COL14A1: variants seen among roughly 807,000 people sequenced by gnomAD.
COL14A1 encodes the protein collagen alpha-1(XIV) chain.
COL14A1 carries 136 observed loss-of-function variants against 230.3 expected under a neutral mutation model. The ratio of observed to expected loss-of-function variants is 0.59; its 90% confidence interval spans 0.51 to 0.68. The LOEUF is 0.68. COL14A1 is among the 30% of genes least tolerant of loss of function. The probability of loss-of-function intolerance (pLI) is 0.00; values close to 1 mark genes in which losing one functional copy is unlikely to be tolerated. For synonymous variants in COL14A1, 792 were observed against 784.1 expected, an observed-to-expected ratio of 1.01 and a Z score of -0.17; for missense variants, 1,976 against 2,215.8, an observed-to-expected ratio of 0.89 and a Z score of 2.17.
intron 25 of COL14A1, among the ~76,000 whole-genome samples, chr8:120,268,242 C>T (rs541131184): frequency 4.8e-4 from 73 of 151,886 alleles, no homozygotes; most frequent in African/African-American, 1.6e-3. Context: ...TTCACTCTAC[C>T]TGGAATGCCA....
intron 5 of COL14A1, among the ~76,000 whole-genome samples, chr8:120,175,728 T>G (rs1226384232): frequency 6.6e-6 from 1 of 152,194 alleles, no homozygotes; most frequent in Non-Finnish European, 1.5e-5. Context: ...ACTAAAATAT[T>G]TTCTGTTTTG....
At chr8:120,169,298 C>T (rs953072228) in intron 5 of COL14A1, among the ~76,000 whole-genome samples, 2 of 152,140 alleles carry the variant, frequency 1.3e-5, no homozygotes, top group African/African-American at 2.4e-5. Context: ...ATGGCAGGCT[C>T]TATCAATATC....
intron 1 of COL14A1, among the ~76,000 whole-genome samples, chr8:120,133,888 CTT>C (rs1353397669): frequency 6.6e-6 from 1 of 151,736 alleles, no homozygotes; most frequent in Non-Finnish European, 1.5e-5. Flanking sequence ...AACTTTAAGA[CTT>C]TGAAAAAATG....
At chr8:120,294,367 C>G (rs1820459926) in intron 34 of COL14A1, among the ~76,000 whole-genome samples, 1 of 150,978 alleles carries the variant, frequency 6.6e-6, no homozygotes, top group African/African-American at 2.4e-5. Flanking sequence ...TTTGTAGTTG[C>G]TCATTTCAAG....
intron 24 of COL14A1, among the ~76,000 whole-genome samples, chr8:120,266,443 T>C (rs1190020895): frequency 6.6e-6 from 1 of 152,044 alleles, no homozygotes; most frequent in Non-Finnish European, 1.5e-5. Context: ...TGAGCAAGGA[T>C]TGATGGTGAA....
intron 42 of COL14A1, among the ~76,000 whole-genome samples, chr8:120,339,657 T>A (rs1822214723): frequency 6.6e-6 from 1 of 151,932 alleles, no homozygotes; most frequent in African/African-American, 2.4e-5. Flanking sequence ...CATAAAAAAA[T>A]TTTAAACACA....
intron 18 of COL14A1, among the ~76,000 whole-genome samples, chr8:120,230,909 G>A (rs1469979897): frequency 6.6e-6 from 1 of 152,204 alleles, no homozygotes; most frequent in Non-Finnish European, 1.5e-5. Flanking sequence ...GGAAACACAG[G>A]TAAAGGAGTT....
At chr8:120,127,847 A>G (rs1814394636) in intron 1 of COL14A1, among the ~76,000 whole-genome samples, 1 of 152,122 alleles carries the variant, frequency 6.6e-6, no homozygotes, top group Admixed American at 6.5e-5. Flanking sequence ...AGATCCCTTT[A>G]AAGGACAAGA....
At position 120,371,473 on chromosome 8, in the gene COL14A1, T is replaced by A. The variant is rs1812156680; in HGVS notation, c.*242T>A. 1 of 395,548 alleles carries A rather than the reference T, an allele frequency of 2.5e-6. No homozygotes were observed. Among genetic ancestry groups the A allele is most frequent in the African/African-American group, 2.1e-5 (1 of 48,550 alleles). The allele number at this position is 395,548 out of a possible 1,614,324, so 24.5% of individuals were successfully genotyped here. Reference sequence around the variant, plus strand: ...TTCCCTTTGGTGTCTTAATGGCATGTCAGATAATTTGTTTTTCCAGAGAAG... The same window carrying A: ...TTCCCTTTGGTGTCTTAATGGCATGACAGATAATTTGTTTTTCCAGAGAAG... On this transcript the variant is annotated 3_prime_UTR_variant, in exon 48 of 48. Coordinates refer to ENST00000297848, the MANE Select transcript of COL14A1 (RefSeq NM_021110.4).
At chr8:120,144,050 G>A (rs1253397315) in intron 1 of COL14A1, among the ~76,000 whole-genome samples, 3 of 152,014 alleles carry the variant, frequency 2.0e-5, no homozygotes, top group Non-Finnish European at 4.4e-5. Context: ...TGTTGCCACT[G>A]GAGACATATA....
intron 45 of COL14A1, among the ~76,000 whole-genome samples, chr8:120,348,361 T>A (rs1586887017): frequency 6.6e-6 from 1 of 150,914 alleles, no homozygotes; most frequent in African/African-American, 2.4e-5. Flanking sequence ...TAAAAAGGAA[T>A]GAATTAATGG....
At chr8:120,197,035 A>G (rs1817060651) in intron 6 of COL14A1, 89 bp downstream of exon 6, 2 of 1,294,436 alleles carry the variant, frequency 1.5e-6, no homozygotes, top group African/African-American at 1.5e-5. Context: ...TTCCTTACAA[A>G]GTGACTTTCA....
intron 21 of COL14A1, among the ~76,000 whole-genome samples, chr8:120,248,705 A>T (rs1244914031): frequency 6.6e-6 from 1 of 151,814 alleles, no homozygotes; most frequent in African/African-American, 2.4e-5. Context: ...AAAATACAAA[A>T]ATTAGCCAGG....
At chr8:120,240,621 G>A (rs1818582203) in intron 19 of COL14A1, among the ~76,000 whole-genome samples, 1 of 152,132 alleles carries the variant, frequency 6.6e-6, no homozygotes, top group South Asian at 2.1e-4. Flanking sequence ...TAACTCTCAA[G>A]GCTGATTAAA....
At chr8:120,174,803 TAAG>T (rs1437527422) in intron 5 of COL14A1, among the ~76,000 whole-genome samples, 1 of 152,084 alleles carries the variant, frequency 6.6e-6, no homozygotes, top group Non-Finnish European at 1.5e-5. Context: ...AGAATTGTCT[TAAG>T]AAGTAAGTTA....
intron 22 of COL14A1, among the ~76,000 whole-genome samples, chr8:120,252,316 C>T (rs1251618003): frequency 6.6e-6 from 1 of 152,164 alleles, no homozygotes; most frequent in Non-Finnish European, 1.5e-5. Context: ...GTACCCAATA[C>T]ATAGTCTGTT....
intron 4 of COL14A1, among the ~76,000 whole-genome samples, chr8:120,166,963 A>G (rs1055694882): frequency 5.9e-4 from 88 of 148,322 alleles, no homozygotes; most frequent in African/African-American, 2.1e-3. Context: ...CAAAGTGCCA[A>G]TGCTTATCAA....
intron 5 of COL14A1, among the ~76,000 whole-genome samples, chr8:120,188,387 A>G (rs566040318): frequency 1.3e-5 from 2 of 152,254 alleles, no homozygotes; most frequent in Admixed American, 1.3e-4. Flanking sequence ...CAGACTTAAC[A>G]TTTAATATAA....
chr8:120,361,258 A>C (rs1823202748), intron 45 of COL14A1, among the ~76,000 whole-genome samples: 1 of 152,202 alleles, frequency 6.6e-6, no homozygotes, highest in Non-Finnish European at 1.5e-5. Context: ...GCTCTGAATT[A>C]TAAAGGCACA....
Sources: gnomAD v4.1 joint callset for allele counts (sites outside exome capture counted in the v4.1 genomes callset) on GRCh38, gnomAD v4.1.1 for gene constraint, MANE v1.5 for transcripts, NCBI Gene and HGNC (gene_info 2026-07-23, HGNC 2026-07-21) for gene names.